The following MED17 variants were observed in gnomAD, a reference collection of about 807,000 sequenced individuals.
MED17 encodes mediator complex subunit 17, also known as mediator of RNA polymerase II transcription subunit 17.
In MED17, 49 loss-of-function variants were observed where a neutral mutation model predicts 80.8. The ratio of observed to expected loss-of-function variants is 0.61; its 90% CI spans 0.48 to 0.77. The LOEUF (loss-of-function observed/expected upper bound fraction) is 0.77. Among genes scored for constraint, MED17 ranks in the 30% least tolerant of loss-of-function variants. The probability of loss-of-function intolerance (pLI) is 0.00; values close to 1 mark genes in which losing one functional copy is unlikely to be tolerated. For missense variants in MED17, 718 were observed against 787.0 expected (o/e 0.91, Z 1.05); for synonymous variants, 281 against 280.4 (o/e 1.00, Z -0.02).
chr11:93,804,920 A>G (rs1438064768), intron 9 of MED17, among the ~76,000 whole-genome samples: 3 of 152,350 alleles, frequency 2.0e-5, no homozygotes, highest in South Asian at 4.1e-4. Flanking sequence ...AGGAAAAACT[A>G]TATACAGGAA....
At position 93,812,346 on chromosome 11, in the gene MED17, G is replaced by T; in HGVS notation, c.*282G>T. On this transcript the variant is annotated 3_prime_UTR_variant, in exon 12 of 12. Transcript: ENST00000251871. ...ATTACTAACTTAAGGGTTTCTATGT[G>T]CTTTTTAAAATATTCCTTCTTTGAT... 2.0e-6 allele frequency: 1 copy of T among 506,914 alleles called. No individual in the cohort carries two copies. The highest frequency in any genetic ancestry group is 3.4e-6 in the Non-Finnish European group (1 of 291,052). The allele number at this position is 506,914 out of a possible 1,614,324, so 31.4% of individuals were successfully genotyped here. A position where few individuals can be genotyped will look rare whatever the true frequency, so the allele number is the denominator to read the frequency against.
Position 93,784,778 on chromosome 11 carries a change from C to T in MED17, c.250+15C>T. 2 of 1,535,368 alleles carry T rather than the reference C, an allele frequency of 1.3e-6. No homozygotes were observed. The highest frequency in any genetic ancestry group is 1.7e-6 in the Non-Finnish European group (2 of 1,147,014). On this transcript the variant is annotated intron_variant, in intron 1 of 11. Coordinates refer to ENST00000251871, the MANE Select transcript of MED17 (RefSeq NM_004268.5). Reference sequence around the variant, plus strand: ...CGACGAGGAAGGTAAGGCCTGCATCCGCTGCCCGAGTCCCCCGGTCTGGGT... The same window carrying T: ...CGACGAGGAAGGTAAGGCCTGCATCTGCTGCCCGAGTCCCCCGGTCTGGGT...
At chr11:93,786,425 A>G (rs1943770755) in intron 1 of MED17, among the ~76,000 whole-genome samples, 1 of 152,180 alleles carries the variant, frequency 6.6e-6, no homozygotes, top group African/African-American at 2.4e-5. Context: ...ACAATTTGGC[A>G]GTTTAATATG....
chr11:93,811,943 A>G lies in MED17; in HGVS notation c.1835A>G (p.Asp612Gly). ...CTTCCAAAAAGTGATGTTTTACAAG[A>G]TAACAAATGGAGTCATCTTCGTGGG... ...KDLPKSDVLQ[D>G]NKWSHLRGPF... The change falls in exon 12 of 12, where the codon GAT (aspartate) becomes GGT (glycine). Residue 612 changes from aspartate to glycine, a missense_variant. Transcript: ENST00000251871. The G allele has an allele frequency of 1.9e-6, 3 of 1,614,128 alleles. No homozygotes were observed. Among genetic ancestry groups the G allele is most frequent in the Non-Finnish European group, 2.5e-6 (3 of 1,179,998 alleles).
intron 7 of MED17, chr11:93,797,303 C>T: frequency 3.9e-6 from 2 of 515,896 alleles, no homozygotes; most frequent in East Asian, 3.4e-5. Context: ...CGGCGCATTA[C>T]CCATCTGACA....
intron 1 of MED17, 167 bp downstream of exon 1, chr11:93,784,930 C>A: frequency 1.0e-6 from 1 of 975,254 alleles, no homozygotes; most frequent in Non-Finnish European, 1.5e-6. Context: ...TGCTGCCGGA[C>A]AAGGTAGGAC....
chr11:93,800,618 G>A, intron 8 of MED17: 1 of 117,044 alleles, frequency 8.5e-6, no homozygotes, highest in East Asian at 2.5e-4. Context: ...GATAGAGTGA[G>A]ACTTTGTCTC....
At chr11:93,791,690 T>G (rs1265952830) in intron 3 of MED17, among the ~76,000 whole-genome samples, 1 of 151,618 alleles carries the variant, frequency 6.6e-6, no homozygotes, top group Non-Finnish European at 1.5e-5. Flanking sequence ...TGACCTTGTC[T>G]CAAAAAAAAC....
At chr11:93,786,846 A>G (rs1187129431) in intron 1 of MED17, among the ~76,000 whole-genome samples, 2 of 152,188 alleles carry the variant, frequency 1.3e-5, no homozygotes, top group African/African-American at 2.4e-5. Context: ...AGTTGCACAT[A>G]TACAGGGTAT....
intron 8 of MED17, among the ~76,000 whole-genome samples, chr11:93,799,539 C>G (rs1157385124): frequency 6.6e-6 from 1 of 152,098 alleles, no homozygotes; most frequent in Non-Finnish European, 1.5e-5. Context: ...AAACTCAGCA[C>G]TCAGGGAGGC....
In MED17 at chr11:93,794,947, A is replaced by G; in HGVS notation, c.899A>G (p.Asn300Ser). The G allele has an allele frequency of 6.2e-7, 1 of 1,614,200 alleles. No homozygotes were observed. ...HWQTKLEAAQ[N>S]VLLCKEIFAQ... ...CAGACAAAATTAGAAGCGGCACAGA[A>G]TGTTCTCTTATGTAAAGAAATTTTT... The change falls in exon 6 of 12, where the codon AAT becomes AGT. Residue 300 changes from asparagine (N) to serine (S), a missense_variant. Coordinates refer to ENST00000251871, the MANE Select transcript of MED17 (RefSeq NM_004268.5).
chr11:93,811,609 A>G, intron 11 of MED17: 1 of 522,098 alleles, frequency 1.9e-6, no homozygotes, highest in African/African-American at 1.9e-5. Flanking sequence ...TTCCTAGGTC[A>G]AAACTCACCT....
In MED17 at chr11:93,797,655, C is replaced by A. The variant is rs1055449249; in HGVS notation, c.1264C>A (p.Gln422Lys). Reference sequence around the variant, plus strand: ...TGATAAAAATGAAATTAATTCATTACAGTCCAGTGAAGGGCTTCTGGAAAA... The same window carrying A: ...TGATAAAAATGAAATTAATTCATTAAAGTCCAGTGAAGGGCTTCTGGAAAA... ...AFDKNEINSL[Q>K]SSEGLLEKII... The change falls in exon 8 of 12, where the codon CAG (glutamine) becomes AAG (lysine). Residue 422 changes from glutamine to lysine, a missense_variant. Coordinates refer to ENST00000251871, the MANE Select transcript of MED17 (RefSeq NM_004268.5). 29 of 1,613,318 alleles carry A rather than the reference C, an allele frequency of 1.8e-5. No homozygotes were observed. The highest frequency in any genetic ancestry group is 2.5e-5 in the Non-Finnish European group (29 of 1,179,390).
At chr11:93,811,009 C>T (rs11603339) in intron 11 of MED17, 32,422 of 152,222 alleles carry the variant, frequency 0.21, 3,707 homozygotes, top group Non-Finnish European at 0.26. Context: ...CAAACCTGTA[C>T]AGCATGTTAC....
At chr11:93,798,990 C>T (rs546988510) in intron 8 of MED17, among the ~76,000 whole-genome samples, 1 of 152,122 alleles carries the variant, frequency 6.6e-6, no homozygotes, top group South Asian at 2.1e-4. Context: ...TTGGAAGCAG[C>T]AAAGCTTTAA....
chr11:93,784,293 G>T lies in MED17; in HGVS notation c.-221G>T. ...TTCCGCGCCTGCCCAGTTTTGCTCC[G>T]AAAGACTTACCGAGGAGGGAGCTTG... is the stretch of plus-strand genomic sequence containing the variant. On this transcript the variant is annotated 5_prime_UTR_variant, in exon 1 of 12. Transcript: ENST00000251871. The T allele has an allele frequency of 1.6e-6, 1 of 619,950 alleles. No homozygotes were observed. Among genetic ancestry groups the T allele is most frequent in the Non-Finnish European group, 2.7e-6 (1 of 370,792 alleles). 38.4% of individuals were successfully genotyped at this position (619,950 alleles called of 1,614,324 possible).
chr11:93,809,701 C>T lies in MED17; in HGVS notation c.1585-16C>T, dbSNP rs1051279324. The T allele has an allele frequency of 6.2e-7, 1 of 1,613,938 alleles. No homozygotes were observed. The highest frequency in any genetic ancestry group is 1.3e-5 in the African/African-American group (1 of 74,928). On this transcript the variant is annotated splice_polypyrimidine_tract_variant and intron_variant, in intron 10 of 11. Transcript: ENST00000251871. ...TCTCTGCTGACTGTCAGTCAAGTGT[C>T]CTTTTTCATTCACAGATGTCACAGC...
At position 93,784,282 on chromosome 11, in the gene MED17, A is replaced by G. The variant is rs530014589; in HGVS notation, c.-232A>G. ...AACCCTGGAGCTTCCGCGCCTGCCCAGTTTTGCTCCGAAAGACTTACCGAG... is the reference window on the plus strand; with the variant it reads ...AACCCTGGAGCTTCCGCGCCTGCCCGGTTTTGCTCCGAAAGACTTACCGAG... On this transcript the variant is annotated 5_prime_UTR_variant, in exon 1 of 12. Transcript: ENST00000251871. The G allele has an allele frequency of 1.2e-4, 70 of 575,160 alleles. No homozygotes were observed. In the East Asian group the frequency reaches 2.1e-3, roughly 17 times the overall value. The allele number at this position is 575,160 out of a possible 1,614,324, so 35.6% of individuals were successfully genotyped here.
In MED17 at chr11:93,811,510, G is replaced by A. The variant is rs537227221; in HGVS notation, c.1745-343G>A. 1.0e-3 allele frequency: 289 copies of A among 289,902 alleles called. 3 individuals carry two copies. Among genetic ancestry groups the A allele is most frequent in the South Asian group, 1.8e-3 (50 of 28,066 alleles). The allele number at this position is 289,902 out of a possible 1,614,324, so 18.0% of individuals were successfully genotyped here. A position where few individuals can be genotyped will look rare whatever the true frequency, so the allele number is the denominator to read the frequency against. On this transcript the variant is annotated intron_variant, in intron 11 of 11. Coordinates refer to ENST00000251871, the MANE Select transcript of MED17 (RefSeq NM_004268.5). Reference sequence around the variant, plus strand: ...ACATAGAGAGACCTTGTCTTTAACCGCCTCCCAAAAAAAGCTTTGTGTTTT... The same window carrying A: ...ACATAGAGAGACCTTGTCTTTAACCACCTCCCAAAAAAAGCTTTGTGTTTT...
Sources: gnomAD v4.1 joint callset for allele counts (sites outside exome capture counted in the v4.1 genomes callset) on GRCh38, gnomAD v4.1.1 for gene constraint, MANE v1.5 for transcripts, NCBI Gene and HGNC (gene_info 2026-07-23, HGNC 2026-07-21) for gene names.